LINGO2: variants seen among roughly 807,000 people sequenced by gnomAD.
LINGO2 encodes the protein leucine-rich repeat and immunoglobulin-like domain-containing nogo receptor-interacting protein 2.
LINGO2 carries 14 observed loss-of-function variants against 30.6 expected under a neutral mutation model. The ratio of observed to expected loss-of-function variants is 0.46; its 90% confidence interval spans 0.30 to 0.72. The LOEUF (loss-of-function observed/expected upper bound fraction) is 0.72, where lower values mean the gene tolerates loss of function less well. LINGO2 is among the 30% of genes least tolerant of loss of function. The pLI is 0.07. For synonymous variants in LINGO2, 317 were observed against 288.5 expected (o/e 1.10, Z -1.00); for missense variants, 729 against 751.7 (o/e 0.97, Z 0.35).
At chr9:28,656,123 C>A (rs1323087036) in intron 1 of LINGO2, among the ~76,000 whole-genome samples, 2 of 151,946 alleles carry the variant, frequency 1.3e-5, no homozygotes, top group Middle Eastern at 3.2e-3. Flanking sequence ...CCTGGCTGAC[C>A]TTCATGCTGA....
At chr9:29,178,228 G>A in the LINGO2 span, among the ~76,000 whole-genome samples, 2 of 151,406 alleles carry the variant, frequency 1.3e-5, no homozygotes, top group African/African-American at 4.9e-5. Flanking sequence ...GCTATTTTTT[G>A]CATTTTTAGT....
the LINGO2 span, among the ~76,000 whole-genome samples, chr9:29,115,654 A>G: frequency 6.6e-6 from 1 of 151,980 alleles, no homozygotes; most frequent in Non-Finnish European, 1.5e-5. Context: ...ATTTTATAGT[A>G]ATTATTATTA....
At chr9:28,640,488 A>G (rs918400449) in intron 1 of LINGO2, among the ~76,000 whole-genome samples, 3 of 147,714 alleles carry the variant, frequency 2.0e-5, no homozygotes, top group South Asian at 4.4e-4. Flanking sequence ...CTTTTCACAC[A>G]GTCCCATATT....
the LINGO2 span, among the ~76,000 whole-genome samples, chr9:28,960,152 C>A: frequency 7.2e-5 from 11 of 152,230 alleles, no homozygotes; most frequent in African/African-American, 2.6e-4. Context: ...TGACTAAAAG[C>A]ATTTTAATTA....
intron 1 of LINGO2, among the ~76,000 whole-genome samples, chr9:28,503,269 C>T (rs904792356): frequency 6.6e-6 from 1 of 151,884 alleles, no homozygotes; most frequent in Non-Finnish European, 1.5e-5. Flanking sequence ...TATAAAAATG[C>T]ATTAAATGTA....
the LINGO2 span, among the ~76,000 whole-genome samples, chr9:28,875,804 T>C: frequency 6.6e-6 from 1 of 152,138 alleles, no homozygotes; most frequent in Non-Finnish European, 1.5e-5. Flanking sequence ...AAGATTCTCT[T>C]ATTTGAATGT....
chr9:28,606,541 A>G (rs1460401978), intron 1 of LINGO2, among the ~76,000 whole-genome samples: 1 of 152,018 alleles, frequency 6.6e-6, no homozygotes, highest in Admixed American at 6.6e-5. Flanking sequence ...GATAATACAG[A>G]CTGAGGGAAA....
chr9:28,550,269 T>C (rs1006319161), intron 1 of LINGO2, among the ~76,000 whole-genome samples: 5 of 151,854 alleles, frequency 3.3e-5, no homozygotes, highest in African/African-American at 1.2e-4. Flanking sequence ...CATTCTCTCA[T>C]TTTATGTGCT....
the LINGO2 span, among the ~76,000 whole-genome samples, chr9:29,189,277 C>G: frequency 6.6e-6 from 1 of 151,106 alleles, no homozygotes; most frequent in African/African-American, 2.4e-5. Flanking sequence ...GGGGGCTGAC[C>G]GCCACCTCCC....
chr9:28,219,678 C>T (rs1477712592), intron 4 of LINGO2, among the ~76,000 whole-genome samples: 6 of 152,220 alleles, frequency 3.9e-5, no homozygotes, highest in South Asian at 2.1e-4. Context: ...GCTGTGAATT[C>T]GTAGGTTTAT....
At chr9:28,708,912 T>C in the LINGO2 span, among the ~76,000 whole-genome samples, 1 of 152,134 alleles carries the variant, frequency 6.6e-6, no homozygotes, top group Non-Finnish European at 1.5e-5. Context: ...TATTTATGTT[T>C]TCTTGTTCAG....
At chr9:28,719,458 T>C in the LINGO2 span, among the ~76,000 whole-genome samples, 2 of 152,006 alleles carry the variant, frequency 1.3e-5, no homozygotes, top group African/African-American at 4.8e-5. Context: ...CAGCAGCTCC[T>C]CCCAAACTCA....
chr9:28,124,386 A>T (rs1000056959), intron 4 of LINGO2, among the ~76,000 whole-genome samples: 2 of 152,226 alleles, frequency 1.3e-5, no homozygotes, highest in African/African-American at 4.8e-5. Context: ...ATTACACTTC[A>T]ATTTTTTTCC....
chr9:28,670,417 T>A (rs1828965749), upstream of LINGO2: 1 of 152,172 alleles, frequency 6.6e-6, no homozygotes, highest in African/African-American at 2.4e-5. Flanking sequence ...GCTGTTATAA[T>A]AGCTTTTGTT....
At chr9:28,841,976 T>C in the LINGO2 span, among the ~76,000 whole-genome samples, 1 of 151,746 alleles carries the variant, frequency 6.6e-6, no homozygotes, top group South Asian at 2.1e-4. Context: ...GAATCATGTG[T>C]CTTGTGGTTT....
At chr9:28,676,521 T>A in the LINGO2 span, among the ~76,000 whole-genome samples, 11 of 152,186 alleles carry the variant, frequency 7.2e-5, no homozygotes, top group African/African-American at 2.4e-4. Flanking sequence ...TAGTATAGAA[T>A]GCATACAGCC....
At chr9:28,531,050 T>TAA (rs985336987) in intron 1 of LINGO2, among the ~76,000 whole-genome samples, 2 of 145,502 alleles carry the variant, frequency 1.4e-5, no homozygotes, top group African/African-American at 5.0e-5. Context: ...TAAAAATAAA[T>TAA]ATATATATAT....
At chr9:28,243,986 T>C (rs1174976343) in intron 4 of LINGO2, among the ~76,000 whole-genome samples, 1 of 152,146 alleles carries the variant, frequency 6.6e-6, no homozygotes, top group African/African-American at 2.4e-5. Flanking sequence ...CTAATAAATA[T>C]CTATAGAACT....
the LINGO2 span, among the ~76,000 whole-genome samples, chr9:29,129,223 C>T: frequency 6.6e-6 from 1 of 151,948 alleles, no homozygotes; most frequent in Non-Finnish European, 1.5e-5. Context: ...TTTAGGTGAG[C>T]ATGTGATGGT....
Sources: allele counts gnomAD v4.1 joint callset (sites outside exome capture counted in the v4.1 genomes callset), GRCh38; gene constraint gnomAD v4.1.1; transcripts MANE v1.5; gene names NCBI Gene and HGNC (gene_info 2026-07-23, HGNC 2026-07-21).